Variants in KALRN observed in about 807,000 individuals in gnomAD.
The protein encoded by KALRN is kalirin.
A neutral mutation model predicts 353.7 loss-of-function variants in KALRN; 70 were observed. That is an observed-to-expected ratio of 0.20 (90% CI 0.16 to 0.24). The LOEUF (loss-of-function observed/expected upper bound fraction) is 0.24, where lower values mean the gene tolerates loss of function less well. Among genes scored for constraint, KALRN ranks in the 10% least tolerant of loss-of-function variants. KALRN has a pLI of 1.00. For synonymous variants in KALRN, 1,391 were observed against 1,434.8 expected (o/e 0.97, Z 0.69); for missense variants, 2,791 against 3,756.7 (o/e 0.74, Z 6.72).
At position 124,456,661 on chromosome 3, in the gene KALRN, G is replaced by A; in HGVS notation, c.3787G>A (p.Glu1263Lys). Residue 1263 changes from glutamate (E) to lysine (K), a missense_variant, in exon 23 of 60, where the codon GAG (glutamate) becomes AAG (lysine). Physicochemically the swap from Glu to Lys is moderately conservative, Grantham distance 56. Coordinates refer to ENST00000682506, the MANE Select transcript of KALRN (RefSeq NM_001388419.1). ...TATCCCAGCAAGCCTTTCGGATCGG[G>A]AGGTCAAGCTGCGGGACGCCAACCA... is the stretch of plus-strand genomic sequence containing the variant. ...DIIPASLSDR[E>K]VKLRDANHEV... 6.2e-7 allele frequency: 1 copy of A among 1,613,532 alleles called. No individual in the cohort carries two copies. The highest frequency in any genetic ancestry group is 8.5e-7 in the Non-Finnish European group (1 of 1,179,634).
chr3:124,705,863 T>C (rs1452806066), intron 57 of KALRN, among the ~76,000 whole-genome samples: 1 of 133,842 alleles, frequency 7.5e-6, no homozygotes, highest in African/African-American at 2.8e-5. Context: ...CTCCCTCCCT[T>C]CCTTCCTCCC....
At chr3:124,435,417 A>G (rs1170021975) in intron 17 of KALRN, among the ~76,000 whole-genome samples, 2 of 152,220 alleles carry the variant, frequency 1.3e-5, no homozygotes, top group East Asian at 3.8e-4. Context: ...TCATCTGTAC[A>G]GCAATATGCA....
At chr3:124,331,589 A>T (rs1432906032) in intron 8 of KALRN, among the ~76,000 whole-genome samples, 3 of 152,100 alleles carry the variant, frequency 2.0e-5, no homozygotes, top group Non-Finnish European at 4.4e-5. Flanking sequence ...CTTACAAGCC[A>T]AATCTGATCT....
chr3:124,352,059 A>G (rs1035215422), intron 10 of KALRN, among the ~76,000 whole-genome samples: 1 of 152,240 alleles, frequency 6.6e-6, no homozygotes, highest in Non-Finnish European at 1.5e-5. Flanking sequence ...CTCAAATAGA[A>G]GTCCCGGGCA....
At chr3:124,705,183 G>T (rs1367178959) in intron 57 of KALRN, among the ~76,000 whole-genome samples, 1 of 152,178 alleles carries the variant, frequency 6.6e-6, no homozygotes, top group Admixed American at 6.5e-5. Context: ...ATATAAAAAG[G>T]TAGCAGTACC....
chr3:124,111,022 G>T (rs2149503744), intron 1 of KALRN, among the ~76,000 whole-genome samples: 1 of 152,144 alleles, frequency 6.6e-6, no homozygotes, highest in Non-Finnish European at 1.5e-5. Flanking sequence ...CTTCCTCTTT[G>T]GATTTTAAAC....
chr3:124,580,652 G>A (rs1412659139), intron 34 of KALRN, among the ~76,000 whole-genome samples: 1 of 152,144 alleles, frequency 6.6e-6, no homozygotes, highest in Admixed American at 6.5e-5. Flanking sequence ...CATTCATGAT[G>A]AGTCTGTCCT....
chr3:124,602,939 GGT>G (rs113579012), intron 34 of KALRN, among the ~76,000 whole-genome samples: 6,755 of 37,508 alleles, frequency 0.18, 195 homozygotes, highest in Middle Eastern at 0.32. Context: ...CAGTTTTCGT[GGT>G]TTTTTTTTTG....
intron 11 of KALRN, 60 bp from the exon 12 acceptor site, chr3:124,395,075 T>C: frequency 7.2e-7 from 1 of 1,398,532 alleles, no homozygotes; most frequent in Non-Finnish European, 1.0e-6. Flanking sequence ...TTCCTTGCCC[T>C]CACCCCAGCC....
intron 10 of KALRN, among the ~76,000 whole-genome samples, chr3:124,359,407 G>T (rs1236994124): frequency 6.6e-6 from 1 of 152,122 alleles, no homozygotes; most frequent in East Asian, 1.9e-4. Flanking sequence ...TTTACCTTTT[G>T]CTGAAATTAA....
At chr3:124,675,486 C>T (rs2087061759) in intron 49 of KALRN, 1 of 149,694 alleles carries the variant, frequency 6.7e-6, no homozygotes, top group African/African-American at 2.5e-5. Context: ...TTCAAATGTG[C>T]AAACAATTCT....
At chr3:124,337,404 G>A (rs574962691) in intron 9 of KALRN, among the ~76,000 whole-genome samples, 318 of 152,282 alleles carry the variant, frequency 2.1e-3, no homozygotes, top group Admixed American at 5.2e-3. Flanking sequence ...GAGATATCAT[G>A]TGGTTTTTGT....
intron 57 of KALRN, among the ~76,000 whole-genome samples, chr3:124,710,923 C>G (rs1292767829): frequency 6.6e-6 from 1 of 152,130 alleles, no homozygotes; most frequent in Non-Finnish European, 1.5e-5. Flanking sequence ...TTGAGATGGC[C>G]ACTAAATTCG....
chr3:124,590,222 A>G (rs1479414614), intron 34 of KALRN, among the ~76,000 whole-genome samples: 1 of 152,084 alleles, frequency 6.6e-6, no homozygotes, highest in East Asian at 1.9e-4. Context: ...GGATAACAGT[A>G]CTGACTGCCA....
intron 1 of KALRN, among the ~76,000 whole-genome samples, chr3:124,074,642 T>A (rs1160017841): frequency 2.0e-5 from 3 of 152,236 alleles, no homozygotes; most frequent in East Asian, 3.8e-4. Context: ...GGAAAGACTG[T>A]CCTATCATTT....
At chr3:124,172,279 G>T (rs137924562) in intron 1 of KALRN, among the ~76,000 whole-genome samples, 2 of 152,272 alleles carry the variant, frequency 1.3e-5, no homozygotes, top group Non-Finnish European at 2.9e-5. Flanking sequence ...GGCCAAATAG[G>T]CCGTGAGTTC....
intron 10 of KALRN, among the ~76,000 whole-genome samples, chr3:124,360,527 A>G (rs1315335364): frequency 6.6e-6 from 1 of 152,208 alleles, no homozygotes; most frequent in Non-Finnish European, 1.5e-5. Context: ...AACATATTTT[A>G]CCTTGCACAG....
rs552227061 is a variant in KALRN, at chr3:124,697,688, A to C, written c.7795A>C (p.Thr2599Pro). The stretch of plus-strand genomic sequence containing the variant: ...GCCCCCCTCCAGCACAGGAAACTGC[A>C]CTATTTCTGGTTACACTGTGGAGTA... The part of the protein sequence containing the change: ...WLPPSSTGNC[T>P]ISGYTVEYRE... The change falls in exon 55 of 60, where the codon ACT becomes CCT. Residue 2599 changes from threonine (T) to proline (P), a missense_variant. Thr to Pro is a conservative substitution (Grantham distance 38). Coordinates refer to ENST00000682506, the MANE Select transcript of KALRN (RefSeq NM_001388419.1). The C allele has an allele frequency of 1.9e-6, 3 of 1,598,818 alleles. No homozygotes were observed. Among genetic ancestry groups the C allele is most frequent in the Non-Finnish European group, 2.6e-6 (3 of 1,172,102 alleles).
chr3:124,248,422 G>C (rs1240977211), intron 3 of KALRN, among the ~76,000 whole-genome samples: 1 of 152,228 alleles, frequency 6.6e-6, no homozygotes, highest in Admixed American at 6.5e-5. Flanking sequence ...TGGCAGAGTG[G>C]GGCAGAGCCT....
Sources: gnomAD v4.1 joint callset for allele counts (sites outside exome capture counted in the v4.1 genomes callset) on GRCh38, gnomAD v4.1.1 for gene constraint, MANE v1.5 for transcripts, NCBI Gene and HGNC (gene_info 2026-07-23, HGNC 2026-07-21) for gene names.